PARVB: variants seen among roughly 807,000 people sequenced by gnomAD.
PARVB encodes the protein beta-parvin.
PARVB carries 46 observed loss-of-function variants against 47.0 expected under a neutral mutation model. The ratio of observed to expected loss-of-function variants is 0.98; its 90% confidence interval spans 0.77 to 1.25. PARVB has a LOEUF of 1.25. Ranked by LOEUF, PARVB falls within the 50% of genes most tolerant of loss-of-function variation. PARVB has a pLI of 0.00. For missense variants in PARVB, 473 were observed against 471.6 expected (o/e 1.00, Z -0.03); for synonymous variants, 196 against 196.3 (o/e 1.00, Z 0.01).
intron 1 of PARVB, among the ~76,000 whole-genome samples, chr22:44,046,211 G>A (rs915401418): frequency 1.3e-5 from 2 of 152,226 alleles, no homozygotes; most frequent in Admixed American, 6.5e-5. Flanking sequence ...AGTGGTCGCT[G>A]AGCCCAGCTG....
chr22:44,074,504 A>G (rs2051724104), intron 1 of PARVB, among the ~76,000 whole-genome samples: 1 of 152,118 alleles, frequency 6.6e-6, no homozygotes, highest in South Asian at 2.1e-4. Context: ...TTCCTTGGGG[A>G]GGGAGGATGC....
intron 1 of PARVB, among the ~76,000 whole-genome samples, chr22:44,051,650 T>C (rs187941430): frequency 6.6e-4 from 101 of 152,234 alleles, no homozygotes; most frequent in African/African-American, 2.2e-3. Flanking sequence ...GGGAGAGGAT[T>C]GTGCAGAAGT....
chr22:44,158,149 C>A, intron 11 of PARVB, 66 bp downstream of exon 11: 1 of 1,084,982 alleles, frequency 9.2e-7, no homozygotes, highest in East Asian at 2.4e-5. Context: ...AGAGCATAGA[C>A]TATCCCGGCA....
intron 1 of PARVB, chr22:44,087,123 C>A (rs1437025852): frequency 6.6e-6 from 1 of 152,188 alleles, no homozygotes; most frequent in Non-Finnish European, 1.5e-5. Context: ...ACTGGGGCAG[C>A]TTTCCTGCCA....
intron 3 of PARVB, chr22:44,115,670 T>A (rs1453641739): frequency 5.4e-5 from 3 of 55,782 alleles, no homozygotes; most frequent in Admixed American, 4.9e-4. Flanking sequence ...GATACATTGT[T>A]ACTAAGTAAG....
intron 1 of PARVB, among the ~76,000 whole-genome samples, chr22:44,038,615 T>C (rs1347071691): frequency 6.6e-6 from 1 of 152,046 alleles, no homozygotes; most frequent in African/African-American, 2.4e-5. Flanking sequence ...ACCCCATCTC[T>C]ACTAAAAAAT....
At chr22:44,138,268 T>C (rs1230936746) in intron 7 of PARVB, among the ~76,000 whole-genome samples, 3 of 152,046 alleles carry the variant, frequency 2.0e-5, no homozygotes, top group Non-Finnish European at 4.4e-5. Context: ...GGGAAGTGCC[T>C]CGGGGCCCTA....
chr22:44,038,008 G>A (rs1219757641), intron 1 of PARVB, among the ~76,000 whole-genome samples: 1 of 152,170 alleles, frequency 6.6e-6, no homozygotes, highest in South Asian at 2.1e-4. Flanking sequence ...TGGGGTCTTC[G>A]TTTGCTTTCT....
chr22:44,087,268 G>A (rs1204824386), intron 1 of PARVB, among the ~76,000 whole-genome samples: 3 of 152,218 alleles, frequency 2.0e-5, no homozygotes, highest in African/African-American at 7.2e-5. Context: ...ACCAGGAATT[G>A]CACGGATGGT....
intron 1 of PARVB, among the ~76,000 whole-genome samples, chr22:44,032,765 G>C (rs961734273): frequency 6.6e-6 from 1 of 152,172 alleles, no homozygotes; most frequent in African/African-American, 2.4e-5. Context: ...CTCAGTTTAG[G>C]ACAAGTACCT....
At chr22:44,064,311 C>T (rs1161463962) in intron 1 of PARVB, among the ~76,000 whole-genome samples, 2 of 152,178 alleles carry the variant, frequency 1.3e-5, no homozygotes, top group Non-Finnish European at 1.5e-5. Context: ...TTTGTGGAGA[C>T]GAATAACACA....
At position 44,068,750 on chromosome 22, in the gene PARVB, A is replaced by G. The variant is rs894367205; in HGVS notation, c.113-25178A>G. ...GACCCCCAATCACTTCTCCTGTCTC[A>G]GGGCCCAGAGAGCAAAGGCAGTGGG... On this transcript the variant is annotated intron_variant, in intron 1 of 12. Transcript: ENST00000338758. The surrounding 1 kb of genome is among the most constrained non-coding windows in gnomAD (Gnocchi z 4.1). Among the ~76,000 whole-genome samples, 12 of 152,148 alleles carry G rather than the reference A, an allele frequency of 7.9e-5. No homozygotes were observed. Among genetic ancestry groups the G allele is most frequent in the African/African-American group, 2.9e-4 (12 of 41,454 alleles).
At chr22:44,098,916 C>G (rs565969494) in intron 2 of PARVB, among the ~76,000 whole-genome samples, 26 of 152,256 alleles carry the variant, frequency 1.7e-4, no homozygotes, top group African/African-American at 6.3e-4. Flanking sequence ...CTCAAGCAAT[C>G]CTCCCGCCTC....
At chr22:44,082,525 A>G (rs1488076246) in intron 1 of PARVB, among the ~76,000 whole-genome samples, 1 of 152,150 alleles carries the variant, frequency 6.6e-6, no homozygotes, top group African/African-American at 2.4e-5. Flanking sequence ...TCTCAAAAAC[A>G]AAAACAAAAA....
At chr22:44,066,068 A>G (rs2051517294) in intron 1 of PARVB, among the ~76,000 whole-genome samples, 1 of 152,162 alleles carries the variant, frequency 6.6e-6, no homozygotes, top group South Asian at 2.1e-4. Context: ...CTCTTTCTTA[A>G]AAGCTGCTAA....
intron 2 of PARVB, among the ~76,000 whole-genome samples, chr22:44,004,196 A>C (rs916639285): frequency 6.6e-6 from 1 of 152,238 alleles, no homozygotes. Flanking sequence ...TAGCAGAGCC[A>C]TGGGCACAGA....
At chr22:44,045,494 ATCACCC>A (rs1170699508) in intron 1 of PARVB, among the ~76,000 whole-genome samples, 1 of 152,146 alleles carries the variant, frequency 6.6e-6, no homozygotes, top group East Asian at 1.9e-4. Flanking sequence ...TTATTCATTG[ATCACCC>A]TGTCTTCCAG....
At chr22:44,059,039 CTTTTTTTTTT>C (rs11296450) in intron 1 of PARVB, among the ~76,000 whole-genome samples, 1 of 73,050 alleles carries the variant, frequency 1.4e-5, no homozygotes, top group Non-Finnish European at 2.3e-5. Flanking sequence ...CACCCTGTGG[CTTTTTTTTTT>C]TTTTTTTTTT....
chr22:44,122,075 A>G lies in PARVB; in HGVS notation c.376+2935A>G, dbSNP rs191359544. Among the ~76,000 whole-genome samples the G allele has an allele frequency of 5.3e-5, 8 of 152,312 alleles. No homozygotes were observed. The East Asian group carries it at 1.5e-3, about 29-fold the overall frequency. On this transcript the variant is annotated intron_variant, in intron 4 of 12. Coordinates refer to ENST00000338758, the MANE Select transcript of PARVB (RefSeq NM_013327.5). Reference sequence around the variant, plus strand: ...CATCCATTTAATGTATAAATAAATTAATTTGTTTCTCTCTGTATTTAGTTT... The same window carrying G: ...CATCCATTTAATGTATAAATAAATTGATTTGTTTCTCTCTGTATTTAGTTT...
Sources: allele counts gnomAD v4.1 joint callset (sites outside exome capture counted in the v4.1 genomes callset), GRCh38; gene constraint gnomAD v4.1.1; non-coding constraint Gnocchi (gnomAD v3.1); transcripts MANE v1.5; gene names NCBI Gene and HGNC (gene_info 2026-07-23, HGNC 2026-07-21).